ARHGEF33: variants seen among roughly 807,000 people sequenced by gnomAD.
The protein encoded by ARHGEF33 is Rho guanine nucleotide exchange factor 33.
A neutral mutation model predicts 101.9 loss-of-function variants in ARHGEF33; 72 were observed. The observed-to-expected ratio is 0.71, with a 90% CI of 0.58 to 0.86. ARHGEF33 has a LOEUF of 0.86. Among genes scored for constraint, ARHGEF33 ranks in the 40% least tolerant of loss-of-function variants. The pLI, the probability that ARHGEF33 is intolerant of heterozygous loss-of-function variation, is 0.00. For synonymous variants in ARHGEF33, 499 were observed against 442.5 expected (o/e 1.13, Z -1.60); for missense variants, 1,169 against 1,111.3 (o/e 1.05, Z -0.74).
At chr2:38,969,274 T>C (rs1488047469) in intron 17 of ARHGEF33, 1 of 165,740 alleles carries the variant, frequency 6.0e-6, no homozygotes. Context: ...TTGCAGAGCC[T>C]GGCCTCACAG....
At position 38,960,382 on chromosome 2, in the gene ARHGEF33, G is replaced by C; in HGVS notation, c.2077G>C (p.Glu693Gln). Residue 693 changes from glutamate (E) to glutamine (Q), a missense_variant, in exon 16 of 18, where the codon GAG becomes CAG. Coordinates refer to ENST00000409978, the MANE Select transcript of ARHGEF33 (RefSeq NM_001145451.5). ...PAGSSSAYKL[E>Q]AAAQAHGKAK... Reference sequence around the variant, plus strand: ...GGGCAGCAGCAGCGCCTACAAACTGGAGGCGGCGGCGCAGGCGCACGGCAA... The same window carrying C: ...GGGCAGCAGCAGCGCCTACAAACTGCAGGCGGCGGCGCAGGCGCACGGCAA... 1 of 1,513,746 alleles carries C rather than the reference G, an allele frequency of 6.6e-7. No homozygotes were observed. The highest frequency in any genetic ancestry group is 8.8e-7 in the Non-Finnish European group (1 of 1,136,772). The allele number at this position is 1,513,746 out of a possible 1,614,324, so 93.8% of individuals were successfully genotyped here. A position where few individuals can be genotyped will look rare whatever the true frequency, so the allele number is the denominator to read the frequency against.
At chr2:38,957,890 C>T (rs1036983505) in intron 14 of ARHGEF33, 144 bp from the exon 15 acceptor site, 34 of 999,038 alleles carry the variant, frequency 3.4e-5, no homozygotes, top group Non-Finnish European at 4.8e-5. Context: ...AGCAAAGCAA[C>T]TTAGTTTGCA....
intron 7 of ARHGEF33, among the ~76,000 whole-genome samples, chr2:38,932,895 A>G (rs1000706678): frequency 2.0e-5 from 3 of 152,130 alleles, no homozygotes. Context: ...AGTTTATTCT[A>G]CTGAGTTGCT....
chr2:38,915,165 TA>T (rs1666604233), intron 2 of ARHGEF33, among the ~76,000 whole-genome samples: 11 of 152,030 alleles, frequency 7.2e-5, no homozygotes. Context: ...GTCCAATTTT[TA>T]AAAGAAAGTA....
chr2:38,966,390 A>G (rs1408739554), intron 17 of ARHGEF33, among the ~76,000 whole-genome samples: 1 of 151,984 alleles, frequency 6.6e-6, no homozygotes, highest in Non-Finnish European at 1.5e-5. Context: ...CTTGTTCCCA[A>G]AGTCATGTGT....
intron 10 of ARHGEF33, among the ~76,000 whole-genome samples, chr2:38,949,148 A>G (rs936705188): frequency 6.6e-6 from 1 of 152,086 alleles, no homozygotes; most frequent in Non-Finnish European, 1.5e-5. Flanking sequence ...AATGAGTTGA[A>G]AAAAACCTCC....
At position 38,931,179 on chromosome 2, in the gene ARHGEF33, A is replaced by T. The variant is rs573826548; in HGVS notation, c.433A>T (p.Ile145Phe). ...AQAQGSPFRS[I>F]NIPEPVLPSE... The stretch of plus-strand genomic sequence containing the variant: ...AGCACAAGGAAGTCCTTTTCGTTCT[A>T]TCAATATCCCTGAGCCTGTTCTTCC... The change falls in exon 7 of 18, where the codon ATC becomes TTC. Residue 145 changes from isoleucine to phenylalanine, a missense_variant. Ile to Phe is a conservative substitution (Grantham distance 21). Coordinates refer to ENST00000409978, the MANE Select transcript of ARHGEF33 (RefSeq NM_001145451.5). The T allele has an allele frequency of 6.4e-7, 1 of 1,551,660 alleles. No homozygotes were observed. The highest frequency in any genetic ancestry group is 1.4e-5 in the African/African-American group (1 of 73,182).
intron 2 of ARHGEF33, among the ~76,000 whole-genome samples, chr2:38,897,545 A>G (rs1290991085): frequency 6.6e-6 from 1 of 151,928 alleles, no homozygotes; most frequent in Non-Finnish European, 1.5e-5. Context: ...GTAATTATAG[A>G]CTCCTTTGAG....
chr2:38,948,753 C>G (rs533183549), intron 10 of ARHGEF33, among the ~76,000 whole-genome samples: 1 of 152,322 alleles, frequency 6.6e-6, no homozygotes, highest in South Asian at 2.1e-4. Flanking sequence ...CATTTACAAC[C>G]ACTGGGTAGG....
intron 4 of ARHGEF33, among the ~76,000 whole-genome samples, chr2:38,925,741 C>T (rs1666855907): frequency 6.6e-6 from 1 of 152,130 alleles, no homozygotes; most frequent in South Asian, 2.1e-4. Flanking sequence ...CTGCAAAACA[C>T]CTGGCTTTTG....
Position 38,943,901 on chromosome 2 carries a change from C to T in ARHGEF33, c.791C>T (p.Ala264Val), listed in dbSNP as rs1454040114. ...ENVLCETSLAAKRQTVALELL... is the reference protein window; with the variant it reads ...ENVLCETSLAVKRQTVALELL... Reference sequence around the variant, plus strand: ...AGTCCTCTTTGGTTTGTTTCTAAAGCTAAAAGACAGACTGTGGCCCTGGAA... The same window carrying T: ...AGTCCTCTTTGGTTTGTTTCTAAAGTTAAAAGACAGACTGTGGCCCTGGAA... Residue 264 changes from alanine (A) to valine (V), a missense_variant and splice_region_variant, in exon 10 of 18, where the codon GCT (alanine) becomes GTT (valine). By Grantham distance (64) the Ala-to-Val change is moderately conservative. Transcript: ENST00000409978. The T allele has an allele frequency of 2.6e-6, 4 of 1,550,902 alleles. No homozygotes were observed. Among genetic ancestry groups the T allele is most frequent in the Non-Finnish European group, 3.5e-6 (4 of 1,146,786 alleles).
At chr2:38,927,993 C>T (rs115349724) in intron 4 of ARHGEF33, among the ~76,000 whole-genome samples, 213 of 152,248 alleles carry the variant, frequency 1.4e-3, no homozygotes, top group African/African-American at 4.6e-3. Flanking sequence ...GAAGAATGAA[C>T]GTTTCTTGAA....
chr2:38,971,249 G>T (rs947373026), intron 17 of ARHGEF33, among the ~76,000 whole-genome samples: 1 of 152,130 alleles, frequency 6.6e-6, no homozygotes, highest in Non-Finnish European at 1.5e-5. Context: ...TACTGAATTT[G>T]CTATTTTCTT....
At chr2:38,948,795 G>A (rs1335373424) in intron 10 of ARHGEF33, among the ~76,000 whole-genome samples, 1 of 152,142 alleles carries the variant, frequency 6.6e-6, no homozygotes, top group Non-Finnish European at 1.5e-5. Flanking sequence ...TCTTTGGCTG[G>A]TGCAGCATTT....
chr2:38,891,973 G>A (rs1157731704), intron 1 of ARHGEF33, among the ~76,000 whole-genome samples: 1 of 152,152 alleles, frequency 6.6e-6, no homozygotes, highest in African/African-American at 2.4e-5. Context: ...CTTCTGATTG[G>A]TATGTTCATG....
chr2:38,919,423 C>G lies in ARHGEF33; in HGVS notation c.-25C>G, dbSNP rs1048165654. 3.2e-6 allele frequency: 5 copies of G among 1,551,496 alleles called. No individual in the cohort carries two copies. In the Admixed American group the frequency reaches 7.8e-5, roughly 24 times the overall value. On this transcript the variant is annotated 5_prime_UTR_variant, in exon 3 of 18. Transcript: ENST00000409978. Reference sequence around the variant, plus strand: ...TGAGGATGCAATGTTGAAGAATAAGCTGGAGAAGAGAAGTAACCGGCACTA... The same window carrying G: ...TGAGGATGCAATGTTGAAGAATAAGGTGGAGAAGAGAAGTAACCGGCACTA...
intron 16 of ARHGEF33, among the ~76,000 whole-genome samples, chr2:38,964,564 T>C (rs1166382298): frequency 6.6e-6 from 1 of 150,762 alleles, no homozygotes; most frequent in Non-Finnish European, 1.5e-5. Context: ...GCATCCTAGA[T>C]CCCTTGCATG....
intron 14 of ARHGEF33, among the ~76,000 whole-genome samples, chr2:38,957,557 A>T (rs1667799870): frequency 6.6e-6 from 1 of 152,216 alleles, no homozygotes; most frequent in Non-Finnish European, 1.5e-5. Flanking sequence ...ATAAAAATAA[A>T]GCAAATAAGG....
Position 38,958,201 on chromosome 2 carries a change from A to G in ARHGEF33, c.1535+3A>G. ...CCCAGTTCTGGCCCTGCCATCACGTAAGCACCTGTTGCTGTGGGAAGGTTA... is the reference window on the plus strand; with the variant it reads ...CCCAGTTCTGGCCCTGCCATCACGTGAGCACCTGTTGCTGTGGGAAGGTTA... On this transcript the variant is annotated splice_donor_region_variant and intron_variant, in intron 15 of 17. Coordinates refer to ENST00000409978, the MANE Select transcript of ARHGEF33 (RefSeq NM_001145451.5). 1 of 1,551,346 alleles carries G rather than the reference A, an allele frequency of 6.4e-7. No homozygotes were observed. Among genetic ancestry groups the G allele is most frequent in the Middle Eastern group, 1.7e-4 (1 of 5,836 alleles).
Sources: gnomAD v4.1 joint callset for allele counts (sites outside exome capture counted in the v4.1 genomes callset) on GRCh38, gnomAD v4.1.1 for gene constraint, MANE v1.5 for transcripts, NCBI Gene and HGNC (gene_info 2026-07-23, HGNC 2026-07-21) for gene names.